Variants in DENND10 observed in about 807,000 individuals in gnomAD.
The protein encoded by DENND10 is DENN domain containing 10.
DENND10 carries 24 observed loss-of-function variants against 43.6 expected under a neutral mutation model. The observed-to-expected ratio is 0.55, with a 90% CI of 0.40 to 0.77. DENND10 has a LOEUF of 0.77. Among genes scored for constraint, DENND10 ranks in the 30% least tolerant of loss-of-function variants. The pLI, the probability that DENND10 is intolerant of heterozygous loss-of-function variation, is 0.00. For missense variants in DENND10, 303 were observed against 429.9 expected (o/e 0.70, Z 2.61); for synonymous variants, 125 against 157.6 (o/e 0.79, Z 1.55).
At position 119,108,481 on chromosome 10, in the gene DENND10, C is replaced by CAA. The variant is rs371995219; in HGVS notation, c.252+333_252+334dup. Among the ~76,000 whole-genome samples, 653 of 98,878 alleles carry CAA rather than the reference C, an allele frequency of 6.6e-3. 19 individuals carry two copies. The East Asian group carries it at 0.12, about 19-fold the overall frequency. The allele number at this position is 98,878 out of a possible 152,430, so 64.9% of individuals were successfully genotyped here. A position where few individuals can be genotyped will look rare whatever the true frequency, so the allele number is the denominator to read the frequency against. ...CTGGCGACAGAGCGAGACTCCGTCT[C>CAA]AAAAAAAAAAAAAAAAAGAAAAGAA... is the stretch of plus-strand genomic sequence containing the variant. On this transcript the variant is annotated intron_variant, in intron 2 of 8. Transcript: ENST00000361432.
In DENND10 at chr10:119,132,598, C is replaced by T. The variant is rs992869753; in HGVS notation, c.886C>T (p.His296Tyr). The change falls in exon 8 of 9, where the codon CAC (histidine) becomes TAC (tyrosine). Residue 296 changes from histidine (H) to tyrosine (Y), a missense_variant. Transcript: ENST00000361432. This position sits in a 1 kb window ranked among gnomAD's most constrained non-coding sequence, Gnocchi z 4.2. ...AGAAGATCCAGAGAAATCAGAGAGCCACGTTATACAGGTAACTCCCTCACC... is the reference window on the plus strand; with the variant it reads ...AGAAGATCCAGAGAAATCAGAGAGCTACGTTATACAGGTAACTCCCTCACC... Reference protein sequence around the residue: ...SAEDPEKSESHVIQDIALKTR... With the variant: ...SAEDPEKSESYVIQDIALKTR... 9.9e-6 allele frequency: 16 copies of T among 1,613,394 alleles called. No individual in the cohort carries two copies. Among genetic ancestry groups the T allele is most frequent in the Non-Finnish European group, 1.4e-5 (16 of 1,179,438 alleles).
intron 6 of DENND10, 38 bp downstream of exon 6, chr10:119,123,607 T>A: frequency 5.3e-6 from 2 of 380,888 alleles, no homozygotes; most frequent in African/African-American, 1.1e-4. Flanking sequence ...CTGTTTCACT[T>A]TTTTTTTTTT....
rs543947531 is a variant in DENND10, at chr10:119,126,247, C to T, written c.694+2678C>T. On this transcript the variant is annotated intron_variant, in intron 6 of 8. Transcript: ENST00000361432. Reference sequence around the variant, plus strand: ...ATTCCAAATCTTGGTGGTTGTGAACCGTGCTGCAGTGAACATGGGAATGGT... The same window carrying T: ...ATTCCAAATCTTGGTGGTTGTGAACTGTGCTGCAGTGAACATGGGAATGGT... Among the ~76,000 whole-genome samples, 38 of 152,092 alleles carry T rather than the reference C, an allele frequency of 2.5e-4. No homozygotes were observed. The South Asian group carries it at 3.3e-3, about 13-fold the overall frequency.
chr10:119,120,196 A>C (rs1845496319), intron 4 of DENND10, 145 bp from the exon 5 acceptor site: 1 of 526,006 alleles, frequency 1.9e-6, no homozygotes, highest in East Asian at 3.5e-5. Flanking sequence ...TGCGGTGAGC[A>C]ACTATCTTGC....
intron 6 of DENND10, among the ~76,000 whole-genome samples, chr10:119,126,277 T>C (rs1845828429): frequency 6.6e-6 from 1 of 152,214 alleles, no homozygotes; most frequent in South Asian, 2.1e-4. Flanking sequence ...AATGGTGGTA[T>C]CTCTTTGATA....
chr10:119,136,687 CCT>C lies in DENND10; in HGVS notation c.*43_*44del, dbSNP rs780358170. ...GTATCACTGATGACTGATAGAAAGC[CCT>C]CTTTCACTCTGATTACCCACTCACT... On this transcript the variant is annotated 3_prime_UTR_variant, in exon 9 of 9. Coordinates refer to ENST00000361432, the MANE Select transcript of DENND10 (RefSeq NM_207009.4). The C allele has an allele frequency of 1.9e-6, 2 of 1,050,758 alleles. No homozygotes were observed. The highest frequency in any genetic ancestry group is 2.6e-5 in the East Asian group (1 of 38,610). 65.1% of individuals were successfully genotyped at this position (1,050,758 alleles called of 1,614,324 possible). A position where few individuals can be genotyped will look rare whatever the true frequency, so the allele number is the denominator to read the frequency against.
At chr10:119,123,849 A>G (rs964977497) in intron 6 of DENND10, among the ~76,000 whole-genome samples, 16 of 150,568 alleles carry the variant, frequency 1.1e-4, no homozygotes, top group Non-Finnish European at 1.6e-4. Flanking sequence ...TTTCTTTGGC[A>G]CATGCAATCA....
chr10:119,106,837 G>A (rs1844719610), intron 1 of DENND10, among the ~76,000 whole-genome samples: 1 of 152,120 alleles, frequency 6.6e-6, no homozygotes, highest in South Asian at 2.1e-4. Flanking sequence ...CTGAGGTGGG[G>A]AGTTCGAGAC....
chr10:119,120,452 G>T lies in DENND10; in HGVS notation c.593G>T (p.Arg198Met), dbSNP rs1213353254. ...PKIEAVQEFT[R>M]TLPALVWHRQ... The stretch of plus-strand genomic sequence containing the variant: ...ATAGAAGCGGTCCAGGAGTTCACCA[G>T]GTATCACCTCTAATTATAAAAAAGT... Residue 198 changes from arginine to methionine, a missense_variant and splice_region_variant, in exon 5 of 9, where the codon AGG becomes ATG. By Grantham distance (91) the Arg-to-Met change is moderately conservative. Transcript: ENST00000361432. The T allele has an allele frequency of 1.3e-6, 2 of 1,577,728 alleles. No homozygotes were observed. The highest frequency in any genetic ancestry group is 1.7e-4 in the Middle Eastern group (1 of 6,000).
chr10:119,130,096 C>A (rs908337021), intron 7 of DENND10, among the ~76,000 whole-genome samples: 16 of 152,098 alleles, frequency 1.1e-4, no homozygotes, highest in African/African-American at 3.6e-4. Flanking sequence ...CCTATGCCTC[C>A]CGGGTTCAGG....
At chr10:119,126,283 T>G (rs1211534700) in intron 6 of DENND10, among the ~76,000 whole-genome samples, 2 of 152,216 alleles carry the variant, frequency 1.3e-5, no homozygotes, top group Admixed American at 1.3e-4. Context: ...GGTATCTCTT[T>G]GATACACTGA....
intron 5 of DENND10, 57 bp from the exon 6 acceptor site, chr10:119,123,412 G>A: frequency 7.9e-7 from 1 of 1,269,680 alleles, no homozygotes; most frequent in Non-Finnish European, 1.1e-6. Context: ...AAGGGGGCAG[G>A]CTGAGTCTTT....
In DENND10 at chr10:119,132,712, G is replaced by A; in HGVS notation, c.897+103G>A. On this transcript the variant is annotated intron_variant, in intron 8 of 8. Coordinates refer to ENST00000361432, the MANE Select transcript of DENND10 (RefSeq NM_207009.4). The surrounding 1 kb of genome is among the most constrained non-coding windows in gnomAD (Gnocchi z 4.2). ...AAGCAGAGTGGGGGGCTGTGGTAGA[G>A]GCCAGCGGGCAGGTGCTTAGAGAGG... The A allele has an allele frequency of 1.1e-6, 1 of 920,652 alleles. No homozygotes were observed. Among genetic ancestry groups the A allele is most frequent in the Non-Finnish European group, 1.8e-6 (1 of 555,682 alleles). 57.0% of individuals were successfully genotyped at this position (920,652 alleles called of 1,614,324 possible). A position where few individuals can be genotyped will look rare whatever the true frequency, so the allele number is the denominator to read the frequency against.
intron 1 of DENND10, among the ~76,000 whole-genome samples, chr10:119,104,425 G>C (rs1382985318): frequency 7.3e-5 from 11 of 151,346 alleles, no homozygotes; most frequent in African/African-American, 2.4e-4. Context: ...TGTGGGGCCT[G>C]CCCGGCCCGA....
chr10:119,119,873 C>T (rs565862388), intron 4 of DENND10, among the ~76,000 whole-genome samples: 13 of 152,172 alleles, frequency 8.5e-5, no homozygotes, highest in Non-Finnish European at 1.8e-4. Flanking sequence ...TCCTGGGAAG[C>T]TGACATAGGA....
chr10:119,131,547 G>A (rs558245198), intron 7 of DENND10, among the ~76,000 whole-genome samples: 14 of 152,318 alleles, frequency 9.2e-5, no homozygotes, highest in Admixed American at 2.6e-4. Flanking sequence ...CACTACTCAG[G>A]TAGTGGTTTT....
intron 3 of DENND10, among the ~76,000 whole-genome samples, chr10:119,113,947 A>G (rs1005809593): frequency 6.6e-6 from 1 of 152,224 alleles, no homozygotes; most frequent in Non-Finnish European, 1.5e-5. Context: ...TAAAAACACT[A>G]CAGAGGTATT....
chr10:119,129,434 T>C, intron 6 of DENND10, 81 bp from the exon 7 acceptor site: 1 of 862,446 alleles, frequency 1.2e-6, no homozygotes, highest in South Asian at 1.4e-5. Context: ...GAGCAGTCGA[T>C]GAGCTTTTAG....
chr10:119,123,332 G>C (rs1343043210), intron 5 of DENND10, 137 bp from the exon 6 acceptor site: 5 of 611,264 alleles, frequency 8.2e-6, no homozygotes, highest in Non-Finnish European at 1.5e-5. Flanking sequence ...CACATTTGGG[G>C]CTTGGTCTCA....
Sources: allele counts gnomAD v4.1 joint callset (sites outside exome capture counted in the v4.1 genomes callset), GRCh38; gene constraint gnomAD v4.1.1; non-coding constraint Gnocchi (gnomAD v3.1); transcripts MANE v1.5; gene names NCBI Gene and HGNC (gene_info 2026-07-23, HGNC 2026-07-21).